Variants in DLGAP2 observed in about 807,000 individuals in gnomAD.
The protein encoded by DLGAP2 is disks large-associated protein 2.
A neutral mutation model predicts 100.3 loss-of-function variants in DLGAP2; 26 were observed. That is an observed-to-expected ratio of 0.26 (90% CI 0.19 to 0.36). DLGAP2 has a LOEUF of 0.36. DLGAP2 is among the 10% of genes least tolerant of loss of function. The pLI is 1.00. For missense variants in DLGAP2, 1,858 were observed against 1,453.2 expected, an observed-to-expected ratio of 1.28 and a Z score of -4.53; for synonymous variants, 886 against 630.1, an observed-to-expected ratio of 1.41 and a Z score of -6.08.
intron 1 of DLGAP2, among the ~76,000 whole-genome samples, chr8:759,490 G>C (rs1027406726): frequency 2.0e-5 from 3 of 151,792 alleles, no homozygotes; most frequent in African/African-American, 7.3e-5. Flanking sequence ...CGGAGTCCAC[G>C]GTTGACGTGG....
At chr8:980,355 C>G (rs769499480) in intron 2 of DLGAP2, among the ~76,000 whole-genome samples, 1 of 152,074 alleles carries the variant, frequency 6.6e-6, no homozygotes, top group Non-Finnish European at 1.5e-5. Context: ...GCTGTAGGGT[C>G]CAGATTGCAA....
rs138163396 is a variant in DLGAP2, at chr8:903,679, G to A, written c.19-4233G>A. ...GGTGAATGGCACGGCCATGGAGGACGCCAAGCTCTCCCGCCCGCACCCCGG... is the reference window on the plus strand; with the variant it reads ...GGTGAATGGCACGGCCATGGAGGACACCAAGCTCTCCCGCCCGCACCCCGG... On this transcript the variant is annotated intron_variant, in intron 1 of 14. Transcript: ENST00000637795. Among the ~76,000 whole-genome samples, 454 of 152,222 alleles carry A rather than the reference G, an allele frequency of 3.0e-3. 3 individuals carry two copies. The highest frequency in any genetic ancestry group is 0.01 in the African/African-American group (420 of 41,522).
chr8:1,269,959 T>G (rs1240978298), intron 3 of DLGAP2, among the ~76,000 whole-genome samples: 1 of 152,144 alleles, frequency 6.6e-6, no homozygotes, highest in Admixed American at 6.5e-5. Flanking sequence ...CAGAATCCTG[T>G]GTGTGGAAGA....
intron 3 of DLGAP2, among the ~76,000 whole-genome samples, chr8:1,372,450 C>G (rs967901785): frequency 6.6e-6 from 1 of 152,180 alleles, no homozygotes; most frequent in Non-Finnish European, 1.5e-5. Context: ...AAATGTCGTG[C>G]GAGTCCCCTC....
intron 2 of DLGAP2, among the ~76,000 whole-genome samples, chr8:1,030,459 T>C (rs1005949777): frequency 2.0e-5 from 3 of 152,222 alleles, no homozygotes; most frequent in African/African-American, 7.2e-5. Context: ...GAAATGGATG[T>C]GCAATGTGGG....
chr8:920,761 G>C (rs956544292), intron 2 of DLGAP2, among the ~76,000 whole-genome samples: 2 of 152,050 alleles, frequency 1.3e-5, no homozygotes, highest in Non-Finnish European at 2.9e-5. Flanking sequence ...CACCAGCCTG[G>C]GTGACAGAGC....
chr8:1,521,742 G>A (rs1448609109), intron 4 of DLGAP2, among the ~76,000 whole-genome samples: 1 of 47,602 alleles, frequency 2.1e-5, no homozygotes, highest in Non-Finnish European at 4.4e-5. Flanking sequence ...CAGCTGATAT[G>A]GGGCGTCTCT....
At chr8:1,303,111 G>A (rs1469228456) in intron 3 of DLGAP2, among the ~76,000 whole-genome samples, 1 of 152,184 alleles carries the variant, frequency 6.6e-6, no homozygotes, top group African/African-American at 2.4e-5. Context: ...TAAAAAGGAG[G>A]AAGGGGTGGG....
At chr8:1,154,866 TCCAC>T (rs1404360421) in intron 2 of DLGAP2, among the ~76,000 whole-genome samples, 1 of 152,314 alleles carries the variant, frequency 6.6e-6, no homozygotes, top group East Asian at 1.9e-4. Context: ...GCTCTGCTCT[TCCAC>T]CCTCCAGTGT....
At chr8:1,491,910 G>C (rs888953750) in intron 3 of DLGAP2, among the ~76,000 whole-genome samples, 1 of 152,216 alleles carries the variant, frequency 6.6e-6, no homozygotes, top group Non-Finnish European at 1.5e-5. Context: ...GTTTAAGCTG[G>C]TAAGGCCTGC....
At chr8:1,121,926 T>G (rs1796059353) in intron 2 of DLGAP2, among the ~76,000 whole-genome samples, 1 of 152,248 alleles carries the variant, frequency 6.6e-6, no homozygotes, top group Non-Finnish European at 1.5e-5. Context: ...GCTCAGAATT[T>G]CATTTAATGG....
intron 3 of DLGAP2, among the ~76,000 whole-genome samples, chr8:1,286,192 C>G (rs1799917413): frequency 6.6e-6 from 1 of 152,086 alleles, no homozygotes; most frequent in Non-Finnish European, 1.5e-5. Context: ...AAGGGGCGTC[C>G]CCCTTTGCTT....
At chr8:1,510,244 A>G (rs1800112077) in intron 4 of DLGAP2, among the ~76,000 whole-genome samples, 1 of 152,238 alleles carries the variant, frequency 6.6e-6, no homozygotes, top group Non-Finnish European at 1.5e-5. Context: ...GACAACAGCG[A>G]TAACTTGCTG....
At chr8:1,177,185 GC>G (rs1186765173) in intron 2 of DLGAP2, among the ~76,000 whole-genome samples, 2 of 152,150 alleles carry the variant, frequency 1.3e-5, no homozygotes, top group Non-Finnish European at 2.9e-5. Flanking sequence ...CTTTGCTGGG[GC>G]CCTTACATCT....
chr8:1,228,648 TA>T (rs959179644), intron 2 of DLGAP2, among the ~76,000 whole-genome samples: 6 of 152,206 alleles, frequency 3.9e-5, no homozygotes, highest in African/African-American at 1.2e-4. Flanking sequence ...GCAAATCAAT[TA>T]ATGCAATGCA....
At chr8:1,679,996 AAAAAAAAG>A (rs1798906749) in intron 12 of DLGAP2, among the ~76,000 whole-genome samples, 1 of 148,954 alleles carries the variant, frequency 6.7e-6, no homozygotes, top group Non-Finnish European at 1.5e-5. Flanking sequence ...AAAAAAAAAA[AAAAAAAAG>A]AGCTCAGAAG....
At chr8:1,503,374 C>T (rs1799791136) in intron 4 of DLGAP2, among the ~76,000 whole-genome samples, 1 of 151,538 alleles carries the variant, frequency 6.6e-6, no homozygotes, top group Admixed American at 6.6e-5. Flanking sequence ...TGGAACCACA[C>T]AGGATTTGTT....
At chr8:1,091,866 T>A (rs958927898) in intron 2 of DLGAP2, among the ~76,000 whole-genome samples, 2 of 151,972 alleles carry the variant, frequency 1.3e-5, no homozygotes, top group Non-Finnish European at 2.9e-5. Context: ...TTTCCCTCTT[T>A]CGCTCGTTCT....
chr8:1,093,106 C>T (rs906446571), intron 2 of DLGAP2, among the ~76,000 whole-genome samples: 19 of 152,326 alleles, frequency 1.2e-4, no homozygotes, highest in African/African-American at 2.9e-4. Flanking sequence ...GGGGACCGCA[C>T]GCTTCTTCTC....
Sources: allele counts gnomAD v4.1 joint callset (sites outside exome capture counted in the v4.1 genomes callset), GRCh38; gene constraint gnomAD v4.1.1; transcripts MANE v1.5; gene names NCBI Gene and HGNC (gene_info 2026-07-23, HGNC 2026-07-21).